The following TMC7 variants were observed in gnomAD, a reference collection of about 807,000 sequenced individuals.
TMC7 encodes transmembrane channel like 7, also known as transmembrane channel-like protein 7.
Under a neutral mutation model 82.9 loss-of-function variants are expected in TMC7, and 54 were observed. The observed-to-expected ratio is 0.65, with a 90% CI of 0.52 to 0.82. TMC7 has a LOEUF of 0.82. Among genes scored for constraint, TMC7 ranks in the 40% least tolerant of loss-of-function variants. The pLI, the probability that TMC7 is intolerant of heterozygous loss-of-function variation, is 0.00. For synonymous variants in TMC7, 350 were observed against 337.9 expected, an observed-to-expected ratio of 1.04 and a Z score of -0.39; for missense variants, 820 against 901.2, an observed-to-expected ratio of 0.91 and a Z score of 1.15.
chr16:19,040,184 C>G, intron 8 of TMC7, 105 bp from the exon 9 acceptor site: 2 of 799,706 alleles, frequency 2.5e-6, no homozygotes, highest in Non-Finnish European at 3.8e-6. Context: ...ATGACAAATA[C>G]GTTTTGTTTG....
rs1961788504 is a variant in TMC7 at position 19,056,677 on chromosome 16, T to C, written c.2007T>C (p.Val669=). 6.2e-7 allele frequency: 1 copy of C among 1,613,848 alleles called. No homozygotes were observed. Among genetic ancestry groups the C allele is most frequent in the Non-Finnish European group, 8.5e-7 (1 of 1,179,956 alleles). ...GTGTCACATCCGAAGCCTTTGCAGT[T>C]CCTTTCTTCATGATTATTTGGTGAG... ...IHGVTSEAFA[V]PFFMIICLIM... The change falls in exon 14 of 16, where the codon GTT becomes GTC. Residue 669 remains valine (V), a synonymous_variant. Transcript: ENST00000304381.
At chr16:19,045,070 C>A in intron 10 of TMC7, 69 bp downstream of exon 10, 1 of 1,265,804 alleles carries the variant, frequency 7.9e-7, no homozygotes, top group Non-Finnish European at 1.2e-6. Flanking sequence ...GTCAAGAGAA[C>A]AGCGGTTGAA....
At chr16:19,060,993 G>A (rs1374238634) in intron 15 of TMC7, among the ~76,000 whole-genome samples, 1 of 147,008 alleles carries the variant, frequency 6.8e-6, no homozygotes, top group African/African-American at 2.5e-5. Context: ...CACCATGATG[G>A]CCAGTCTTTT....
At chr16:19,043,862 G>T (rs780838040) in intron 9 of TMC7, among the ~76,000 whole-genome samples, 2 of 143,308 alleles carry the variant, frequency 1.4e-5, no homozygotes, top group Non-Finnish European at 3.1e-5. Flanking sequence ...GTGAGCCACC[G>T]CGCCCGGCCT....
In TMC7 at chr16:18,984,031, C is replaced by T; in HGVS notation, c.-33C>T. 1.4e-6 allele frequency: 2 copies of T among 1,440,480 alleles called. No individual in the cohort carries two copies. Among genetic ancestry groups the T allele is most frequent in the East Asian group, 3.0e-5 (1 of 33,678 alleles). 89.2% of individuals were successfully genotyped at this position (1,440,480 alleles called of 1,614,324 possible). On this transcript the variant is annotated 5_prime_UTR_variant, in exon 1 of 16. Transcript: ENST00000304381. ...GCGGCGGCGGCGGCTGGAGAGGGTC[C>T]TCGGCAGCCTCTGAGGAGCGCGGGG...
At chr16:19,036,129 G>A (rs117107036) in intron 7 of TMC7, among the ~76,000 whole-genome samples, 1,881 of 152,262 alleles carry the variant, frequency 0.012, 16 homozygotes, top group Non-Finnish European at 0.019. Context: ...TTCCACCTGA[G>A]GAGGACCTGT....
chr16:19,047,316 G>A (rs1414942069), intron 12 of TMC7, 67 bp downstream of exon 12: 12 of 1,407,502 alleles, frequency 8.5e-6, no homozygotes, highest in Non-Finnish European at 1.2e-5. Context: ...GCACCAATAT[G>A]TCTGGAGCTC....
intron 5 of TMC7, among the ~76,000 whole-genome samples, chr16:19,025,737 T>C (rs988490122): frequency 1.3e-5 from 2 of 151,878 alleles, no homozygotes; most frequent in East Asian, 1.9e-4. Context: ...CTGCATTTGA[T>C]TTTGAAAAAG....
chr16:19,046,390 G>T (rs1205059183), intron 11 of TMC7, among the ~76,000 whole-genome samples: 2 of 152,234 alleles, frequency 1.3e-5, no homozygotes, highest in African/African-American at 4.8e-5. Context: ...ACACTCCACA[G>T]TATAGAACTC....
Position 19,035,764 on chromosome 16 carries a change from T to C in TMC7, c.946T>C (p.Cys316Arg), listed in dbSNP as rs1433966720. 3.1e-6 allele frequency: 5 copies of C among 1,613,400 alleles called. No homozygotes were observed. The highest frequency in any genetic ancestry group is 4.2e-6 in the Non-Finnish European group (5 of 1,179,658). The change falls in exon 7 of 16, where the codon TGC becomes CGC. Residue 316 changes from cysteine to arginine, a missense_variant. Cys to Arg is a radical substitution (Grantham distance 180, BLOSUM62 -3). Coordinates refer to ENST00000304381, the MANE Select transcript of TMC7 (RefSeq NM_024847.4). ...CAAGATATTTGCCGGCTGGGACTTC[T>C]GCATCACTAACCGCAGCATGGCGGA... ...CNKIFAGWDF[C>R]ITNRSMADLK...
At chr16:19,059,893 CT>C in intron 15 of TMC7, 1 of 472,380 alleles carries the variant, frequency 2.1e-6, no homozygotes, top group Non-Finnish European at 3.9e-6. Context: ...AGGAGAATCC[CT>C]TGAACTCAGG....
chr16:19,049,459 A>T (rs918311629), intron 12 of TMC7, among the ~76,000 whole-genome samples: 6 of 152,230 alleles, frequency 3.9e-5, no homozygotes, highest in Non-Finnish European at 7.3e-5. Context: ...CCCAGTAAGC[A>T]AGGCCCTGAA....
At chr16:19,054,418 A>G (rs1401774339) in intron 13 of TMC7, among the ~76,000 whole-genome samples, 1 of 152,044 alleles carries the variant, frequency 6.6e-6, no homozygotes, top group East Asian at 1.9e-4. Context: ...AGTCCTTGCT[A>G]TAAAATGGCA....
chr16:19,014,819 C>T (rs1447082711), intron 2 of TMC7, among the ~76,000 whole-genome samples: 4 of 152,120 alleles, frequency 2.6e-5, no homozygotes, highest in African/African-American at 7.2e-5. Flanking sequence ...CTTAATTCTC[C>T]TGTTGCAGAT....
chr16:19,021,833 G>A (rs1959992621), intron 4 of TMC7, 37 bp downstream of exon 4: 2 of 1,603,074 alleles, frequency 1.2e-6, no homozygotes, highest in Non-Finnish European at 1.7e-6. Flanking sequence ...AAGTGTGTTT[G>A]TTTTTCACCA....
chr16:19,008,256 CG>C (rs1427735340), intron 1 of TMC7, among the ~76,000 whole-genome samples: 1 of 152,106 alleles, frequency 6.6e-6, no homozygotes, highest in Non-Finnish European at 1.5e-5. Flanking sequence ...GCAGAAAGCC[CG>C]CCTGCCTTAG....
At chr16:18,994,302 C>CT (rs2039001966) in intron 1 of TMC7, among the ~76,000 whole-genome samples, 5 of 147,888 alleles carry the variant, frequency 3.4e-5, no homozygotes, top group African/African-American at 1.0e-4. Flanking sequence ...CAGCAGCAGC[C>CT]GCCACATGCA....
At chr16:19,035,960 G>C in intron 7 of TMC7, 137 bp downstream of exon 7, 2 of 978,820 alleles carry the variant, frequency 2.0e-6, no homozygotes, top group Non-Finnish European at 2.9e-6. Context: ...CCCCTCTGTA[G>C]CTTTCAAGAA....
chr16:19,009,348 G>A lies in TMC7; in HGVS notation c.244G>A (p.Ala82Thr), dbSNP rs779580699. The A allele has an allele frequency of 8.7e-6, 14 of 1,614,010 alleles. 1 individual carries two copies. Among genetic ancestry groups the A allele is most frequent in the African/African-American group, 2.7e-5 (2 of 74,888 alleles). Residue 82 changes from alanine to threonine, a missense_variant, in exon 2 of 16, where the codon GCT becomes ACT. Transcript: ENST00000304381. Reference protein sequence around the residue: ...SYSSQLEDRIAENLSSHSLRN... With the variant: ...SYSSQLEDRITENLSSHSLRN... ...CAGCTCCCAGCTGGAGGACAGAATCGCTGAAAACCTCAGCAGCCATTCTCT... is the reference window on the plus strand; with the variant it reads ...CAGCTCCCAGCTGGAGGACAGAATCACTGAAAACCTCAGCAGCCATTCTCT...
Sources: gnomAD v4.1 joint callset for allele counts (sites outside exome capture counted in the v4.1 genomes callset) on GRCh38, gnomAD v4.1.1 for gene constraint, MANE v1.5 for transcripts, NCBI Gene and HGNC (gene_info 2026-07-23, HGNC 2026-07-21) for gene names.